CTNNA3: variants seen among roughly 807,000 people sequenced by gnomAD.
The protein encoded by CTNNA3 is catenin alpha-3.
Under a neutral mutation model 95.7 loss-of-function variants are expected in CTNNA3, and 76 were observed. The ratio of observed to expected loss-of-function variants is 0.79; its 90% CI spans 0.66 to 0.96. CTNNA3 has a LOEUF of 0.96. Ranked by LOEUF, CTNNA3 falls within the 40% of genes least tolerant of loss-of-function variation. The pLI is 0.00. For synonymous variants in CTNNA3, 431 were observed against 374.4 expected, an observed-to-expected ratio of 1.15 and a Z score of -1.74; for missense variants, 1,191 against 1,089.8, an observed-to-expected ratio of 1.09 and a Z score of -1.31.
intron 5 of CTNNA3, among the ~76,000 whole-genome samples, chr10:67,275,727 T>C (rs1301167817): frequency 6.6e-6 from 1 of 152,188 alleles, no homozygotes; most frequent in Non-Finnish European, 1.5e-5. Flanking sequence ...TATCACATTA[T>C]AAACTGTCCT....
intron 9 of CTNNA3, among the ~76,000 whole-genome samples, chr10:66,696,550 T>G (rs2132556156): frequency 6.6e-6 from 1 of 152,288 alleles, no homozygotes; most frequent in East Asian, 1.9e-4. Context: ...AAGTGAAATT[T>G]TAGGCATATT....
At chr10:67,385,800 C>T (rs80228844) in intron 5 of CTNNA3, among the ~76,000 whole-genome samples, 2,434 of 151,286 alleles carry the variant, frequency 0.016, 63 homozygotes, top group African/African-American at 0.056. Context: ...CAGTGTGGTC[C>T]CACAGTGCCT....
At chr10:66,530,777 C>A (rs937467776) in intron 10 of CTNNA3, among the ~76,000 whole-genome samples, 2 of 152,030 alleles carry the variant, frequency 1.3e-5, no homozygotes, top group South Asian at 4.1e-4. Context: ...ATCACTCACA[C>A]GGAAACTTCT....
chr10:66,911,656 C>T (rs1194094647), intron 7 of CTNNA3, among the ~76,000 whole-genome samples: 1 of 152,146 alleles, frequency 6.6e-6, no homozygotes, highest in Admixed American at 6.5e-5. Context: ...CCAGTTACTT[C>T]ATCTCTCTGG....
intron 13 of CTNNA3, among the ~76,000 whole-genome samples, chr10:66,215,453 G>A (rs1274996744): frequency 6.6e-6 from 1 of 152,046 alleles, no homozygotes; most frequent in East Asian, 1.9e-4. Flanking sequence ...CCCACTTCTG[G>A]TATCACTGTC....
At chr10:67,745,566 C>G (rs773311011) in intron 1 of CTNNA3, among the ~76,000 whole-genome samples, 19 of 150,784 alleles carry the variant, frequency 1.3e-4, no homozygotes, top group Admixed American at 1.3e-4. Context: ...TGCTAAATGA[C>G]GAGTTAATGG....
At chr10:67,109,626 C>T (rs1407491027) in intron 7 of CTNNA3, among the ~76,000 whole-genome samples, 1 of 152,056 alleles carries the variant, frequency 6.6e-6, no homozygotes, top group East Asian at 1.9e-4. Flanking sequence ...GTGTGGATCA[C>T]GAGATCAAGA....
chr10:67,093,618 C>T (rs775669652), intron 7 of CTNNA3, among the ~76,000 whole-genome samples: 4 of 151,394 alleles, frequency 2.6e-5, no homozygotes, highest in South Asian at 2.1e-4. Context: ...TACTACCCAG[C>T]GACCAGTCAT....
At chr10:67,540,752 A>G (rs1189615200) in intron 3 of CTNNA3, among the ~76,000 whole-genome samples, 1 of 152,126 alleles carries the variant, frequency 6.6e-6, no homozygotes. Flanking sequence ...GCCTTTAGCA[A>G]GTAGTATCCT....
intron 11 of CTNNA3, among the ~76,000 whole-genome samples, chr10:66,392,220 G>A (rs1004266322): frequency 1.3e-5 from 2 of 152,034 alleles, no homozygotes; most frequent in African/African-American, 4.8e-5. Flanking sequence ...CACAAGGTCA[G>A]GAGTTTGAGA....
At chr10:66,486,279 A>G (rs1011136529) in intron 11 of CTNNA3, among the ~76,000 whole-genome samples, 2 of 152,364 alleles carry the variant, frequency 1.3e-5, no homozygotes, top group Admixed American at 6.5e-5. Flanking sequence ...GGAATGAAAG[A>G]AAATATTTTC....
intron 9 of CTNNA3, among the ~76,000 whole-genome samples, chr10:66,687,206 GA>G (rs1328919821): frequency 2.0e-5 from 3 of 151,842 alleles, no homozygotes; most frequent in African/African-American, 7.3e-5. Flanking sequence ...AAAAAGAATG[GA>G]AAAATATATA....
intron 5 of CTNNA3, among the ~76,000 whole-genome samples, chr10:67,294,393 A>G (rs1839955730): frequency 6.6e-6 from 1 of 152,222 alleles, no homozygotes; most frequent in Non-Finnish European, 1.5e-5. Context: ...AATGTATTCA[A>G]CTACACCAAG....
In CTNNA3 at chr10:67,104,010, T is replaced by C. The variant is rs536408209; in HGVS notation, c.1047+76307A>G. Among the ~76,000 whole-genome samples, 31 of 151,948 alleles carry C rather than the reference T, an allele frequency of 2.0e-4. 1 individual carries two copies. In the South Asian group the frequency reaches 6.0e-3, roughly 29 times the overall value. On this transcript the variant is annotated intron_variant, in intron 7 of 17. Transcript: ENST00000433211. The stretch of plus-strand genomic sequence containing the variant: ...AAACATAAATACCCTTGAATATTGA[T>C]GTCATATTTTTATTTCCAATCATCT...
At chr10:65,965,406 T>TC (rs2077938894) in intron 17 of CTNNA3, among the ~76,000 whole-genome samples, 1 of 135,238 alleles carries the variant, frequency 7.4e-6, no homozygotes, top group Admixed American at 7.3e-5. Flanking sequence ...TTTTTTTTTT[T>TC]TTTTTTTTTT....
At chr10:65,971,859 A>T (rs183614209) in intron 16 of CTNNA3, among the ~76,000 whole-genome samples, 1 of 152,222 alleles carries the variant, frequency 6.6e-6, no homozygotes, top group East Asian at 1.9e-4. Flanking sequence ...ATACAATGAA[A>T]AAAATCTCTG....
intron 9 of CTNNA3, among the ~76,000 whole-genome samples, chr10:66,628,136 A>C (rs1042100794): frequency 2.6e-5 from 4 of 152,144 alleles, no homozygotes; most frequent in African/African-American, 9.6e-5. Flanking sequence ...CCATCAAGTT[A>C]AATACCCCGA....
At chr10:67,080,984 A>G (rs537501186) in intron 7 of CTNNA3, among the ~76,000 whole-genome samples, 3 of 152,256 alleles carry the variant, frequency 2.0e-5, no homozygotes, top group Non-Finnish European at 4.4e-5. Context: ...CTAAAGCTAA[A>G]CAATAAATCA....
intron 13 of CTNNA3, among the ~76,000 whole-genome samples, chr10:66,149,315 T>C (rs1368308152): frequency 1.3e-5 from 2 of 150,298 alleles, no homozygotes; most frequent in Non-Finnish European, 1.5e-5. Flanking sequence ...GGAATGTTCA[T>C]TATACATAAG....
Sources: allele counts gnomAD v4.1 joint callset (sites outside exome capture counted in the v4.1 genomes callset), GRCh38; gene constraint gnomAD v4.1.1; transcripts MANE v1.5; gene names NCBI Gene and HGNC (gene_info 2026-07-23, HGNC 2026-07-21).